PAG1: variants seen among roughly 807,000 people sequenced by gnomAD.
PAG1 encodes the protein phosphoprotein membrane anchor with glycosphingolipid microdomains 1.
A neutral mutation model predicts 31.7 loss-of-function variants in PAG1; 23 were observed. The observed-to-expected ratio is 0.73, with a 90% CI of 0.52 to 1.03. The LOEUF is 1.03. Ranked by LOEUF, PAG1 falls within the 50% of genes least tolerant of loss-of-function variation. The pLI, the probability that PAG1 is intolerant of heterozygous loss-of-function variation, is 0.00. For missense variants in PAG1, 473 were observed against 540.7 expected, an observed-to-expected ratio of 0.87 and a Z score of 1.24; for synonymous variants, 214 against 210.3, an observed-to-expected ratio of 1.02 and a Z score of -0.15.
chr8:81,098,952 C>A (rs4237093), intron 1 of PAG1, among the ~76,000 whole-genome samples: 78,333 of 151,960 alleles, frequency 0.52, 20,644 homozygotes, highest in East Asian at 0.74. Context: ...AAACCTTTAC[C>A]CACAATTTTG....
intron 6 of PAG1, among the ~76,000 whole-genome samples, chr8:80,986,196 G>C (rs1807416406): frequency 6.6e-6 from 1 of 152,142 alleles, no homozygotes; most frequent in Admixed American, 6.5e-5. Flanking sequence ...TGTTTCCAAG[G>C]GGTATGTGAA....
At position 81,000,112 on chromosome 8, in the gene PAG1, G is replaced by C. The variant is rs1235098735; in HGVS notation, c.-80-6805C>G. Among the ~76,000 whole-genome samples, 5 of 152,254 alleles carry C rather than the reference G, an allele frequency of 3.3e-5. No individual in the cohort carries two copies. The South Asian group carries it at 6.2e-4, about 19-fold the overall frequency. On this transcript the variant is annotated intron_variant, in intron 3 of 8. Transcript: ENST00000220597. ...AATGTTTCAGACAGTGTGTATTTTG[G>C]GCTTTAGGTTCTATTTCTTCCTGCC... is the stretch of plus-strand genomic sequence containing the variant.
chr8:80,974,442 C>CTAA lies in PAG1; in HGVS notation c.*2101_*2102insTTA, dbSNP rs1807143016. 1 of 152,228 alleles carries CTAA rather than the reference C, an allele frequency of 6.6e-6. No homozygotes were observed. Among genetic ancestry groups the CTAA allele is most frequent in the Admixed American group, 6.5e-5 (1 of 15,284 alleles). The allele number at this position is 152,228 out of a possible 1,614,324, so 9.4% of individuals were successfully genotyped here. On this transcript the variant is annotated 3_prime_UTR_variant, in exon 9 of 9. Coordinates refer to ENST00000220597, the MANE Select transcript of PAG1 (RefSeq NM_018440.4). The stretch of plus-strand genomic sequence containing the variant: ...TCAGAGAAATGCAAGGTACGAACTT[C>CTAA]TCTCTAATCCAAGGGTATTCTGCTG...
chr8:81,027,701 C>T (rs1203537106), intron 3 of PAG1, among the ~76,000 whole-genome samples: 3 of 151,960 alleles, frequency 2.0e-5, no homozygotes, highest in Admixed American at 6.6e-5. Flanking sequence ...GTCAGGAGAT[C>T]GAGACCATCC....
chr8:81,005,158 C>T (rs375226169), intron 3 of PAG1, among the ~76,000 whole-genome samples: 18 of 151,976 alleles, frequency 1.2e-4, no homozygotes, highest in African/African-American at 4.1e-4. Context: ...GAGGCCAGGA[C>T]GCAGGGGCCT....
rs1256896457 is a variant in PAG1 at position 81,016,084 on chromosome 8, A to AC, written c.-81+13911_-81+13912insG. ...CCCCCAGTAGCCAGCCAATCCTCAGAAGCAGAGACATCTAGCTGACTGCAA... is the reference window on the plus strand; with the variant it reads ...CCCCCAGTAGCCAGCCAATCCTCAGACAGCAGAGACATCTAGCTGACTGCAA... On this transcript the variant is annotated intron_variant, in intron 3 of 8. Coordinates refer to ENST00000220597, the MANE Select transcript of PAG1 (RefSeq NM_018440.4). Among the ~76,000 whole-genome samples, 3 of 152,276 alleles carry AC rather than the reference A, an allele frequency of 2.0e-5. No individual in the cohort carries two copies. In the East Asian group the frequency reaches 5.8e-4, roughly 29 times the overall value.
At chr8:81,001,777 G>A (rs1807788683) in intron 3 of PAG1, among the ~76,000 whole-genome samples, 1 of 152,136 alleles carries the variant, frequency 6.6e-6, no homozygotes. Flanking sequence ...CTTATTTAGG[G>A]TCATGCAGCT....
intron 3 of PAG1, among the ~76,000 whole-genome samples, chr8:81,018,224 T>C (rs183355600): frequency 1.1e-3 from 161 of 152,380 alleles, no homozygotes; most frequent in Non-Finnish European, 1.7e-3. Context: ...ATTGACTATA[T>C]TGAATAACAA....
intron 1 of PAG1, among the ~76,000 whole-genome samples, chr8:81,101,715 C>T (rs574308935): frequency 3.9e-5 from 6 of 152,106 alleles, no homozygotes. Context: ...ACAGAAAGAA[C>T]ATACAGGATG....
intron 7 of PAG1, 47 bp from the exon 8 acceptor site, chr8:80,980,541 T>C (rs1199530157): frequency 5.0e-6 from 6 of 1,192,094 alleles, no homozygotes; most frequent in Non-Finnish European, 7.5e-6. Flanking sequence ...GCGTTAACAA[T>C]CTAACCTTTC....
At chr8:81,002,990 T>C (rs1807813041) in intron 3 of PAG1, among the ~76,000 whole-genome samples, 1 of 152,152 alleles carries the variant, frequency 6.6e-6, no homozygotes, top group South Asian at 2.1e-4. Flanking sequence ...CCTAGGCCCC[T>C]TGTAGAGGAA....
In PAG1 at chr8:80,970,713, G is replaced by A. The variant is rs964742612; in HGVS notation, c.*5831C>T. 1 of 153,056 alleles carries A rather than the reference G, an allele frequency of 6.5e-6. No individual in the cohort carries two copies. The highest frequency in any genetic ancestry group is 1.5e-5 in the Non-Finnish European group (1 of 68,142). The allele number at this position is 153,056 out of a possible 1,614,324, so 9.5% of individuals were successfully genotyped here. A position where few individuals can be genotyped will look rare whatever the true frequency, so the allele number is the denominator to read the frequency against. On this transcript the variant is annotated 3_prime_UTR_variant, in exon 9 of 9. Transcript: ENST00000220597. ...TGTCAACCATTCTTACGAAAGATGT[G>A]AGCAACAGTGTACATGTTTTGGCAA... is the stretch of plus-strand genomic sequence containing the variant.
chr8:81,034,738 T>G (rs1328640000), intron 2 of PAG1, among the ~76,000 whole-genome samples: 1 of 152,216 alleles, frequency 6.6e-6, no homozygotes, highest in East Asian at 1.9e-4. Context: ...TTCCCTGACA[T>G]GGCAACCCTT....
At position 80,971,808 on chromosome 8, in the gene PAG1, T is replaced by A. The variant is rs956430091; in HGVS notation, c.*4736A>T. Reference sequence around the variant, plus strand: ...TACTTCACAAATAGTAGAGACTAGATGTAAACACAGACCTAAAAATGAGCA... The same window carrying A: ...TACTTCACAAATAGTAGAGACTAGAAGTAAACACAGACCTAAAAATGAGCA... On this transcript the variant is annotated 3_prime_UTR_variant, in exon 9 of 9. Transcript: ENST00000220597. The A allele has an allele frequency of 6.6e-6, 1 of 152,232 alleles. No individual in the cohort carries two copies. The highest frequency in any genetic ancestry group is 2.4e-5 in the African/African-American group (1 of 41,470). The allele number at this position is 152,232 out of a possible 1,614,324, so 9.4% of individuals were successfully genotyped here.
chr8:81,100,895 A>C (rs954018979), intron 1 of PAG1, among the ~76,000 whole-genome samples: 1 of 152,232 alleles, frequency 6.6e-6, no homozygotes, highest in African/African-American at 2.4e-5. Flanking sequence ...TCCAAATGCC[A>C]AATAGCCTGT....
chr8:81,107,268 C>T (rs1809707438), intron 1 of PAG1, among the ~76,000 whole-genome samples: 4 of 152,164 alleles, frequency 2.6e-5, no homozygotes, highest in Non-Finnish European at 1.5e-5. Flanking sequence ...AATTCCTGCT[C>T]CTGGCAGTGG....
At chr8:81,002,034 T>C (rs1807794490) in intron 3 of PAG1, among the ~76,000 whole-genome samples, 1 of 152,230 alleles carries the variant, frequency 6.6e-6, no homozygotes, top group African/African-American at 2.4e-5. Flanking sequence ...GCATTAATCA[T>C]AAACCTCCTT....
At position 80,975,097 on chromosome 8, in the gene PAG1, G is replaced by A. The variant is rs904581106; in HGVS notation, c.*1447C>T. The A allele has an allele frequency of 1.3e-5, 2 of 152,092 alleles. No individual in the cohort carries two copies. The highest frequency in any genetic ancestry group is 2.9e-5 in the Non-Finnish European group (2 of 68,010). The allele number at this position is 152,092 out of a possible 1,614,324, so 9.4% of individuals were successfully genotyped here. A position where few individuals can be genotyped will look rare whatever the true frequency, so the allele number is the denominator to read the frequency against. ...AATGGAATTATGACACTTTTATGAG[G>A]TTTATAATTCACAGCCACCTCTCAT... On this transcript the variant is annotated 3_prime_UTR_variant, in exon 9 of 9. Transcript: ENST00000220597.
At chr8:81,054,125 G>T (rs1808776483) in intron 2 of PAG1, among the ~76,000 whole-genome samples, 1 of 152,098 alleles carries the variant, frequency 6.6e-6, no homozygotes, top group African/African-American at 2.4e-5. Flanking sequence ...CCTTGGAATG[G>T]ACAAGATCAC....
Sources: gnomAD v4.1 joint callset for allele counts (sites outside exome capture counted in the v4.1 genomes callset) on GRCh38, gnomAD v4.1.1 for gene constraint, MANE v1.5 for transcripts, NCBI Gene and HGNC (gene_info 2026-07-23, HGNC 2026-07-21) for gene names.